DLGAP2: variants seen among roughly 807,000 people sequenced by gnomAD.
DLGAP2 encodes the protein disks large-associated protein 2.
A neutral mutation model predicts 100.3 loss-of-function variants in DLGAP2; 26 were observed. That is an observed-to-expected ratio of 0.26 (90% confidence interval 0.19 to 0.36). The LOEUF (loss-of-function observed/expected upper bound fraction) is 0.36. Among genes scored for constraint, DLGAP2 ranks in the 10% least tolerant of loss-of-function variants. DLGAP2 has a pLI of 1.00. For missense variants in DLGAP2, 1,858 were observed against 1,453.2 expected (o/e 1.28, Z -4.53); for synonymous variants, 886 against 630.1 (o/e 1.41, Z -6.08).
chr8:768,339 T>C (rs573487937), intron 1 of DLGAP2, among the ~76,000 whole-genome samples: 9 of 151,952 alleles, frequency 5.9e-5, no homozygotes, highest in Admixed American at 6.6e-5. Flanking sequence ...GACAAATTAC[T>C]CAAATAACTG....
At chr8:1,070,022 G>T (rs1016677658) in intron 2 of DLGAP2, among the ~76,000 whole-genome samples, 3 of 152,160 alleles carry the variant, frequency 2.0e-5, no homozygotes, top group Non-Finnish European at 4.4e-5. Flanking sequence ...TTTGTTCTTG[G>T]ACTTAAAAGT....
At chr8:1,438,223 G>C (rs1446069865) in intron 3 of DLGAP2, among the ~76,000 whole-genome samples, 1 of 152,152 alleles carries the variant, frequency 6.6e-6, no homozygotes, top group Non-Finnish European at 1.5e-5. Context: ...ATTTTAAATA[G>C]AGTGTGTCTC....
intron 2 of DLGAP2, among the ~76,000 whole-genome samples, chr8:940,052 C>G (rs942047671): frequency 6.6e-6 from 1 of 152,020 alleles, no homozygotes; most frequent in African/African-American, 2.4e-5. Context: ...GCTTCTTTGG[C>G]TGCTATGGAG....
At chr8:1,218,692 T>C (rs117211670) in intron 2 of DLGAP2, among the ~76,000 whole-genome samples, 2,181 of 152,300 alleles carry the variant, frequency 0.014, 30 homozygotes, top group South Asian at 0.068. Context: ...TTGATAGGAA[T>C]AGCATTGAAT....
At chr8:1,520,303 G>A (rs531831585) in intron 4 of DLGAP2, among the ~76,000 whole-genome samples, 10 of 152,168 alleles carry the variant, frequency 6.6e-5, no homozygotes, top group African/African-American at 9.7e-5. Context: ...GGGGAGCGAT[G>A]CAATCGGGGA....
intron 1 of DLGAP2, among the ~76,000 whole-genome samples, chr8:813,274 A>AT (rs1796405193): frequency 6.6e-6 from 1 of 152,038 alleles, no homozygotes; most frequent in South Asian, 2.1e-4. Flanking sequence ...CGAAAAAAAA[A>AT]CCAAAATGCT....
chr8:754,804 C>T (rs1043347091), intron 1 of DLGAP2, among the ~76,000 whole-genome samples: 3 of 152,150 alleles, frequency 2.0e-5, no homozygotes, highest in African/African-American at 7.2e-5. Context: ...CACGCCACTG[C>T]ACTCCAGCTT....
At position 1,383,892 on chromosome 8, in the gene DLGAP2, G is replaced by T. The variant is rs147924492; in HGVS notation, c.107-117474G>T. On this transcript the variant is annotated intron_variant, in intron 3 of 14. Coordinates refer to ENST00000637795, the MANE Select transcript of DLGAP2 (RefSeq NM_001346810.2). The stretch of plus-strand genomic sequence containing the variant: ...TGAGAGAGCGGCAGATGTCTTTGGC[G>T]GTGGACTCTGACAGGAAGGTCATTT... 1.7e-3 allele frequency among the ~76,000 whole-genome samples: 257 copies of T among 152,176 alleles called. 4 individuals carry two copies. Among genetic ancestry groups the T allele is most frequent in the Non-Finnish European group, 9.7e-4 (66 of 68,026 alleles).
intron 1 of DLGAP2, among the ~76,000 whole-genome samples, chr8:897,790 A>T (rs1436023611): frequency 6.6e-6 from 1 of 152,028 alleles, no homozygotes; most frequent in East Asian, 1.9e-4. Flanking sequence ...TTTCCTTATG[A>T]CACTGATGAG....
chr8:1,586,501 G>T (rs966364325), intron 6 of DLGAP2, among the ~76,000 whole-genome samples: 2 of 152,128 alleles, frequency 1.3e-5, no homozygotes, highest in African/African-American at 4.8e-5. Flanking sequence ...GCGCTGAGAG[G>T]GGGCCTGCCT....
chr8:1,253,895 AG>A (rs1799109329), intron 2 of DLGAP2, among the ~76,000 whole-genome samples: 1 of 152,206 alleles, frequency 6.6e-6, no homozygotes, highest in Non-Finnish European at 1.5e-5. Flanking sequence ...CTGTGTGTTC[AG>A]CTTGCTGGGT....
At chr8:1,674,813 C>T (rs1357057969) in intron 10 of DLGAP2, among the ~76,000 whole-genome samples, 5 of 152,210 alleles carry the variant, frequency 3.3e-5, no homozygotes, top group African/African-American at 4.8e-5. Context: ...TCATTAAATG[C>T]ACTAGGCTAT....
At chr8:1,145,941 A>T (rs1304030342) in intron 2 of DLGAP2, among the ~76,000 whole-genome samples, 1 of 151,560 alleles carries the variant, frequency 6.6e-6, no homozygotes, top group African/African-American at 2.4e-5. Context: ...AAGGACATGA[A>T]CTCATCATTT....
chr8:1,678,875 A>G (rs1011084423), intron 12 of DLGAP2: 8 of 438,162 alleles, frequency 1.8e-5, no homozygotes, highest in African/African-American at 8.1e-5. Context: ...TAGAAAATCA[A>G]CTGTGCTAAC....
chr8:1,612,522 A>G (rs1797013802), intron 6 of DLGAP2, among the ~76,000 whole-genome samples: 1 of 142,142 alleles, frequency 7.0e-6, no homozygotes, highest in South Asian at 2.5e-4. Context: ...AATGGCAACC[A>G]AAGCCAAAAT....
chr8:1,631,331 G>A (rs79058209), intron 7 of DLGAP2, among the ~76,000 whole-genome samples: 1,737 of 152,228 alleles, frequency 0.011, 40 homozygotes, highest in African/African-American at 0.04. Context: ...GGTGTCCACT[G>A]AGGTGTACTA....
intron 2 of DLGAP2, among the ~76,000 whole-genome samples, chr8:1,226,194 C>G (rs568833640): frequency 1.1e-4 from 17 of 152,234 alleles, no homozygotes; most frequent in African/African-American, 3.6e-4. Context: ...CAGTGAAGCA[C>G]TGTTCACAAG....
chr8:941,077 C>T (rs1201854695), intron 2 of DLGAP2, among the ~76,000 whole-genome samples: 1 of 152,196 alleles, frequency 6.6e-6, no homozygotes, highest in Non-Finnish European at 1.5e-5. Flanking sequence ...TGCTTTCAGA[C>T]AGCCCCACCA....
intron 14 of DLGAP2, among the ~76,000 whole-genome samples, chr8:1,699,027 T>G (rs1301197237): frequency 6.6e-6 from 1 of 152,262 alleles, no homozygotes; most frequent in Admixed American, 6.5e-5. Context: ...CAGGTCCGTG[T>G]AAGCCACGGT....
Sources: allele counts gnomAD v4.1 joint callset (sites outside exome capture counted in the v4.1 genomes callset), GRCh38; gene constraint gnomAD v4.1.1; transcripts MANE v1.5; gene names NCBI Gene and HGNC (gene_info 2026-07-23, HGNC 2026-07-21).